Variants in CUL2 observed in about 807,000 individuals in gnomAD.
The protein encoded by CUL2 is cullin 2, also known as cullin-2.
In CUL2, 22 loss-of-function variants were observed where a neutral mutation model predicts 110.2. The observed-to-expected ratio is 0.20, with a 90% CI of 0.14 to 0.28. The LOEUF is 0.28. Ranked by LOEUF, CUL2 falls within the 10% of genes least tolerant of loss-of-function variation. The pLI, the probability that CUL2 is intolerant of heterozygous loss-of-function variation, is 1.00. For synonymous variants in CUL2, 279 were observed against 293.2 expected (o/e 0.95, Z 0.49); for missense variants, 631 against 905.5 (o/e 0.70, Z 3.89).
intron 1 of CUL2, among the ~76,000 whole-genome samples, chr10:35,113,916 T>G (rs1450543622): frequency 2.6e-5 from 4 of 150,958 alleles, no homozygotes; most frequent in Non-Finnish European, 1.5e-5. Context: ...ATTATATTTA[T>G]TTATTTTTTG....
upstream of CUL2, among the ~76,000 whole-genome samples, chr10:35,095,090 T>C (rs1261398295): frequency 1.3e-5 from 2 of 152,062 alleles, no homozygotes; most frequent in Non-Finnish European, 2.9e-5. Context: ...CTGAGGCTGG[T>C]GGATCACTTG....
chr10:35,010,636 C>T (rs1276138392), intron 20 of CUL2, among the ~76,000 whole-genome samples, 194 bp from the exon 21 acceptor site: 1 of 152,062 alleles, frequency 6.6e-6, no homozygotes. Context: ...TTAAGTGAAA[C>T]AATAAACTAA....
chr10:35,011,203 ATTT>A (rs1294008001), intron 20 of CUL2, among the ~76,000 whole-genome samples: 1 of 142,396 alleles, frequency 7.0e-6, no homozygotes, highest in Non-Finnish European at 1.5e-5. Context: ...TAATTTTTTA[ATTT>A]TTTAATTTTT....
chr10:35,062,665 T>A (rs2086412266), intron 3 of CUL2, among the ~76,000 whole-genome samples: 2 of 145,112 alleles, frequency 1.4e-5, no homozygotes, highest in South Asian at 4.5e-4. Flanking sequence ...GACCCCCATC[T>A]CTACCAAAAA....
chr10:35,052,721 C>T (rs527889768), intron 5 of CUL2, among the ~76,000 whole-genome samples: 149 of 151,946 alleles, frequency 9.8e-4, no homozygotes, highest in African/African-American at 3.4e-3. Flanking sequence ...CGGTGAAACC[C>T]CGCCTCTACT....
chr10:35,055,691 T>C (rs1043652556), intron 4 of CUL2, among the ~76,000 whole-genome samples: 1 of 152,220 alleles, frequency 6.6e-6, no homozygotes, highest in Non-Finnish European at 1.5e-5. Context: ...AACCTTGATG[T>C]ACCATTTGAT....
chr10:35,074,289 G>T, intron 1 of CUL2: 3 of 1,166,356 alleles, frequency 2.6e-6, no homozygotes, highest in South Asian at 1.3e-5. Context: ...ACTGCAACAT[G>T]GCACCCAAGC....
At chr10:35,025,084 A>T (rs747682593) in intron 17 of CUL2, 48 bp downstream of exon 17, 26 of 1,439,850 alleles carry the variant, frequency 1.8e-5, no homozygotes, top group Non-Finnish European at 2.4e-5. Context: ...AATTAATATA[A>T]TCATCAGGTA....
At chr10:35,083,212 G>A (rs544352520) in intron 1 of CUL2, among the ~76,000 whole-genome samples, 116 of 151,524 alleles carry the variant, frequency 7.7e-4, no homozygotes, top group Middle Eastern at 3.4e-3. Context: ...ATTTCCCACC[G>A]TCAGAAAATA....
rs2084845751 is a variant in CUL2 at position 35,009,423 on chromosome 10, T to G, written c.*888A>C. On this transcript the variant is annotated 3_prime_UTR_variant, in exon 21 of 21. Coordinates refer to ENST00000374749, the MANE Select transcript of CUL2 (RefSeq NM_003591.4). ...GAAGGAATATGTTGGTATCATAGATTTCCTAAGACTCAGGGAAGGCCACAG... is the reference window on the plus strand; with the variant it reads ...GAAGGAATATGTTGGTATCATAGATGTCCTAAGACTCAGGGAAGGCCACAG... 1 of 151,856 alleles carries G rather than the reference T, an allele frequency of 6.6e-6. No individual in the cohort carries two copies. 9.4% of individuals were successfully genotyped at this position (151,856 alleles called of 1,614,324 possible).
Position 35,072,586 on chromosome 10 carries a change from C to T in CUL2, c.-22-1247G>A, listed in dbSNP as rs147420294. Among the ~76,000 whole-genome samples, 682 of 152,034 alleles carry T rather than the reference C, an allele frequency of 4.5e-3. 4 individuals are homozygous for T. Among genetic ancestry groups the T allele is most frequent in the African/African-American group, 0.015 (640 of 41,448 alleles). ...GGTTTCACCATGTTAGCCAGGATGG[C>T]CTTCATCTCCTGACCTCGTGATCCG... On this transcript the variant is annotated intron_variant, in intron 1 of 20. Coordinates refer to ENST00000374749, the MANE Select transcript of CUL2 (RefSeq NM_003591.4).
intron 17 of CUL2, among the ~76,000 whole-genome samples, chr10:35,018,762 T>A (rs1242743995): frequency 4.2e-4 from 4 of 9,542 alleles, no homozygotes; most frequent in Admixed American, 1.9e-3. Context: ...AAACTCCGTC[T>A]CAAAAAAAAA....
chr10:35,110,709 T>A (rs2087514032), intron 1 of CUL2, among the ~76,000 whole-genome samples: 1 of 152,168 alleles, frequency 6.6e-6, no homozygotes, highest in South Asian at 2.1e-4. Flanking sequence ...GCTTGCAGAT[T>A]GCCACCCTCT....
intron 1 of CUL2, among the ~76,000 whole-genome samples, chr10:35,112,095 C>T (rs912369078): frequency 6.6e-6 from 1 of 152,172 alleles, no homozygotes; most frequent in Admixed American, 6.6e-5. Context: ...CTACTTTTAC[C>T]AGGACTCTTA....
At chr10:35,103,317 T>G (rs1258144837) in intron 1 of CUL2, among the ~76,000 whole-genome samples, 1 of 109,344 alleles carries the variant, frequency 9.1e-6, no homozygotes, top group East Asian at 2.4e-4. Flanking sequence ...AATTTTTTTT[T>G]TTTTTTTTTT....
chr10:35,069,518 G>C (rs535177835), intron 2 of CUL2, among the ~76,000 whole-genome samples: 15 of 151,760 alleles, frequency 9.9e-5, no homozygotes, highest in African/African-American at 3.6e-4. Context: ...TCCAGCCTGG[G>C]TGACAAAGTG....
intron 3 of CUL2, among the ~76,000 whole-genome samples, chr10:35,062,450 A>G (rs532458075): frequency 6.6e-6 from 1 of 152,314 alleles, no homozygotes; most frequent in East Asian, 1.9e-4. Context: ...TTAAAACTCA[A>G]CAAACCCTGA....
intron 1 of CUL2, among the ~76,000 whole-genome samples, chr10:35,071,900 A>G (rs1003563467): frequency 2.6e-5 from 4 of 152,204 alleles, no homozygotes; most frequent in African/African-American, 9.6e-5. Context: ...ATTTATGATC[A>G]AGGGTATAGT....
In CUL2 at chr10:35,117,517, A is replaced by G. The variant is rs566368767; in HGVS notation, c.-51+9088T>C. On this transcript the variant is annotated intron_variant, in intron 1 of 5. Coordinates refer to the CUL2 transcript ENST00000685421. ...AGTGTTGGAATTACAGGCGTGAGTC[A>G]CTGCAACTGGCTTTTTTTTTTTTTT... Among the ~76,000 whole-genome samples the G allele has an allele frequency of 2.0e-5, 3 of 148,414 alleles. No individual in the cohort carries two copies. The East Asian group carries it at 5.9e-4, about 29-fold the overall frequency.
Sources: gnomAD v4.1 joint callset for allele counts (sites outside exome capture counted in the v4.1 genomes callset) on GRCh38, gnomAD v4.1.1 for gene constraint, MANE v1.5 for transcripts, NCBI Gene and HGNC (gene_info 2026-07-23, HGNC 2026-07-21) for gene names.